The following NAV2 variants were observed in gnomAD, a reference collection of about 807,000 sequenced individuals.
The protein encoded by NAV2 is neuron navigator 2.
A neutral mutation model predicts 223.2 loss-of-function variants in NAV2; 54 were observed. The ratio of observed to expected loss-of-function variants is 0.24; its 90% confidence interval spans 0.19 to 0.30. The LOEUF (loss-of-function observed/expected upper bound fraction) is 0.30. Ranked by LOEUF, NAV2 falls within the 10% of genes least tolerant of loss-of-function variation. The pLI is 1.00. For missense variants in NAV2, 2,806 were observed against 3,147.5 expected, an observed-to-expected ratio of 0.89 and a Z score of 2.60; for synonymous variants, 1,279 against 1,239.3, an observed-to-expected ratio of 1.03 and a Z score of -0.67.
chr11:20,012,267 T>C (rs2053619380), intron 11 of NAV2, among the ~76,000 whole-genome samples: 1 of 152,234 alleles, frequency 6.6e-6, no homozygotes, highest in Admixed American at 6.5e-5. Context: ...AATATAGAAC[T>C]TGAAACTATT....
chr11:19,427,557 T>A (rs1850880037), intron 1 of NAV2, among the ~76,000 whole-genome samples: 1 of 152,222 alleles, frequency 6.6e-6, no homozygotes, highest in East Asian at 1.9e-4. Flanking sequence ...TTGGGACACA[T>A]GACTTGAAGT....
At chr11:20,106,333 T>C (rs2062101704) in intron 35 of NAV2, among the ~76,000 whole-genome samples, 1 of 147,052 alleles carries the variant, frequency 6.8e-6, no homozygotes, top group Non-Finnish European at 1.5e-5. Flanking sequence ...CCAAGGCATA[T>C]GGATCACCTC....
chr11:20,104,160 G>A (rs774067784), intron 34 of NAV2: 1 of 190,172 alleles, frequency 5.3e-6, no homozygotes, highest in Non-Finnish European at 1.1e-5. Context: ...CTGGGTCTGT[G>A]GGCCCTCGAG....
At chr11:19,956,356 C>T (rs1032835043) in intron 10 of NAV2, among the ~76,000 whole-genome samples, 6 of 149,270 alleles carry the variant, frequency 4.0e-5, no homozygotes, top group East Asian at 3.9e-4. Flanking sequence ...ACCACACCCC[C>T]GACACACATA....
chr11:19,814,314 T>C (rs891588603), intron 1 of NAV2, among the ~76,000 whole-genome samples: 3 of 152,030 alleles, frequency 2.0e-5, no homozygotes, highest in African/African-American at 7.3e-5. Flanking sequence ...GGGACTTGCT[T>C]GGGGGAAACT....
chr11:19,795,762 G>T (rs1244137058), intron 1 of NAV2, among the ~76,000 whole-genome samples: 2 of 152,192 alleles, frequency 1.3e-5, no homozygotes, highest in African/African-American at 2.4e-5. Context: ...TGTGATGAAG[G>T]TTTGTCTCAG....
chr11:20,071,467 G>T (rs1186636002), intron 22 of NAV2, among the ~76,000 whole-genome samples: 1 of 152,116 alleles, frequency 6.6e-6, no homozygotes, highest in Non-Finnish European at 1.5e-5. Flanking sequence ...ATCCTTTGGG[G>T]GTATATACCC....
intron 1 of NAV2, among the ~76,000 whole-genome samples, chr11:19,474,711 G>C (rs2042065154): frequency 6.6e-6 from 1 of 152,166 alleles, no homozygotes; most frequent in African/African-American, 2.4e-5. Flanking sequence ...AAGAAAAATA[G>C]AAATCCATTA....
intron 1 of NAV2, among the ~76,000 whole-genome samples, chr11:19,372,307 T>C (rs1848497931): frequency 6.6e-6 from 1 of 152,194 alleles, no homozygotes; most frequent in Admixed American, 6.5e-5. Context: ...AGCTGAAAAG[T>C]GCTGAATAGA....
At chr11:20,113,393 G>C (rs1219891531) in intron 36 of NAV2, among the ~76,000 whole-genome samples, 1 of 152,140 alleles carries the variant, frequency 6.6e-6, no homozygotes, top group East Asian at 1.9e-4. Context: ...CTAGGTTTCT[G>C]TTCTTCAAAG....
rs1242410486 is a variant in NAV2 at position 19,618,417 on chromosome 11, G to A, written c.76-214067G>A. On this transcript the variant is annotated intron_variant, in intron 1 of 37. Coordinates refer to the NAV2 transcript ENST00000360655. ...GGATGAATAGATGGATGGATGGATGGATGGATGGATGGATGGATGGACGGA... is the reference window on the plus strand; with the variant it reads ...GGATGAATAGATGGATGGATGGATGAATGGATGGATGGATGGATGGACGGA... Among the ~76,000 whole-genome samples the A allele has an allele frequency of 1.3e-3, 193 of 147,066 alleles. 1 individual carries two copies. Among genetic ancestry groups the A allele is most frequent in the African/African-American group, 4.6e-3 (180 of 38,762 alleles).
chr11:19,463,437 A>G (rs1852235712), intron 1 of NAV2, among the ~76,000 whole-genome samples: 1 of 152,216 alleles, frequency 6.6e-6, no homozygotes, highest in Non-Finnish European at 1.5e-5. Context: ...ACTGAGCTCA[A>G]TGTGCAACTT....
chr11:19,875,736 T>TAAA (rs1356186618), intron 4 of NAV2, among the ~76,000 whole-genome samples: 2 of 152,230 alleles, frequency 1.3e-5, no homozygotes, highest in African/African-American at 4.8e-5. Flanking sequence ...ATTGTATACT[T>TAAA]AATTTTATGA....
intron 1 of NAV2, among the ~76,000 whole-genome samples, chr11:19,441,986 A>C (rs186589429): frequency 7.2e-5 from 11 of 152,350 alleles, no homozygotes; most frequent in Middle Eastern, 3.4e-3. Context: ...CGTGTGGTTT[A>C]ATTGTGCCTG....
chr11:19,640,681 G>A (rs996116862), intron 1 of NAV2, among the ~76,000 whole-genome samples: 4 of 152,194 alleles, frequency 2.6e-5, no homozygotes, highest in African/African-American at 9.7e-5. Context: ...TAAAAGGATG[G>A]AGGTTAGCCA....
chr11:19,477,849 A>T (rs2042164532), intron 1 of NAV2, among the ~76,000 whole-genome samples: 1 of 152,196 alleles, frequency 6.6e-6, no homozygotes, highest in South Asian at 2.1e-4. Flanking sequence ...TCAGCCAAAA[A>T]GTGGGGAGCC....
chr11:20,005,253 AT>A (rs35999844), intron 11 of NAV2, among the ~76,000 whole-genome samples: 108,230 of 134,414 alleles, frequency 0.81, 43,518 homozygotes, highest in East Asian at 0.88. Flanking sequence ...ATATATATAT[AT>A]TTTTTTTTTT....
intron 1 of NAV2, among the ~76,000 whole-genome samples, chr11:19,477,000 G>A (rs2042136769): frequency 6.6e-6 from 1 of 152,120 alleles, no homozygotes; most frequent in Admixed American, 6.6e-5. Flanking sequence ...TAAAGGAGAG[G>A]GGTTATCACA....
Position 19,948,846 on chromosome 11 carries a change from A to G in NAV2, c.2411A>G (p.Tyr804Cys). ...AGDAPSMGNG[Y>C]PPRANASRFI... ...GACGCCCCCTCAATGGGCAATGGGT[A>G]TCCCCCTCGAGCCAACGCCAGCAGG... Residue 804 changes from tyrosine (Y) to cysteine (C), a missense_variant, in exon 10 of 38, where the codon TAT (tyrosine) becomes TGT (cysteine). By Grantham distance (194) the Tyr-to-Cys change is radical. Around this residue, in one of 4 missense-constraint regions of NAV2, gnomAD observed 1,167 missense variants for 1,180.5 expected, o/e 0.99. Coordinates refer to ENST00000349880, the MANE Select transcript of NAV2 (RefSeq NM_145117.5). 5 of 1,614,040 alleles carry G rather than the reference A, an allele frequency of 3.1e-6. No individual in the cohort carries two copies. Among genetic ancestry groups the G allele is most frequent in the Non-Finnish European group, 4.2e-6 (5 of 1,180,008 alleles).
Sources: allele counts gnomAD v4.1 joint callset (sites outside exome capture counted in the v4.1 genomes callset), GRCh38; gene constraint gnomAD v4.1.1; regional missense constraint gnomAD v4.1.1; transcripts MANE v1.5; gene names NCBI Gene and HGNC (gene_info 2026-07-23, HGNC 2026-07-21).